BTBD9: variants seen among roughly 807,000 people sequenced by gnomAD.
BTBD9 encodes the protein BTB domain containing 9, also known as BTB/POZ domain-containing protein 9.
BTBD9 carries 49 observed loss-of-function variants against 64.3 expected under a neutral mutation model. The ratio of observed to expected loss-of-function variants is 0.76; its 90% CI spans 0.61 to 0.97. The LOEUF is 0.97. Ranked by LOEUF, BTBD9 falls within the 50% of genes least tolerant of loss-of-function variation. The pLI is 0.00. For missense variants in BTBD9, 598 were observed against 762.1 expected (o/e 0.78, Z 2.53); for synonymous variants, 260 against 274.7 (o/e 0.95, Z 0.53).
At chr6:38,520,284 T>C (rs556458832) in intron 6 of BTBD9, among the ~76,000 whole-genome samples, 2 of 152,166 alleles carry the variant, frequency 1.3e-5, no homozygotes, top group African/African-American at 4.8e-5. Flanking sequence ...CAAAACCCCA[T>C]TTCTACTAAA....
intron 7 of BTBD9, among the ~76,000 whole-genome samples, chr6:38,330,275 A>T (rs1763622283): frequency 6.6e-6 from 1 of 151,674 alleles, no homozygotes; most frequent in Non-Finnish European, 1.5e-5. Context: ...ATGGTCTCGA[A>T]CTCCTGACCT....
chr6:38,599,281 T>G (rs1777166393), intron 1 of BTBD9, among the ~76,000 whole-genome samples: 1 of 152,230 alleles, frequency 6.6e-6, no homozygotes, highest in African/African-American at 2.4e-5. Context: ...TAATACCGAA[T>G]GTACTTGCAG....
Position 38,317,082 on chromosome 6 carries a change from A to C in BTBD9, c.1264+27902T>G, listed in dbSNP as rs184828586. 1.7e-3 allele frequency among the ~76,000 whole-genome samples: 248 copies of C among 147,440 alleles called. 4 individuals are homozygous for C. The highest frequency in any genetic ancestry group is 0.014 in the Admixed American group (210 of 14,818). ...GTGATCTCGGCTCACTGCAACCTCC[A>C]CCCCCTGGATTCAAGTGATTCTCCT... On this transcript the variant is annotated intron_variant, in intron 7 of 10. Transcript: ENST00000481247.
chr6:38,524,310 A>C (rs948409731), intron 6 of BTBD9, among the ~76,000 whole-genome samples: 13 of 152,142 alleles, frequency 8.5e-5, no homozygotes, highest in African/African-American at 3.1e-4. Flanking sequence ...CAGTATCAGG[A>C]AAAAACTAAT....
At chr6:38,613,598 T>G (rs576837419) in intron 1 of BTBD9, among the ~76,000 whole-genome samples, 1 of 152,230 alleles carries the variant, frequency 6.6e-6, no homozygotes, top group Admixed American at 6.5e-5. Flanking sequence ...GTTGAGTCTC[T>G]TTAAAAGACA....
chr6:38,400,922 C>T (rs568161327), intron 6 of BTBD9, among the ~76,000 whole-genome samples: 78 of 152,304 alleles, frequency 5.1e-4, no homozygotes, highest in African/African-American at 1.7e-3. Context: ...AGTGCTCCTT[C>T]CCCCACTTTA....
intron 2 of BTBD9, among the ~76,000 whole-genome samples, chr6:38,596,309 G>A (rs961443818): frequency 6.6e-5 from 10 of 152,098 alleles, no homozygotes; most frequent in African/African-American, 2.4e-4. Flanking sequence ...CAAGAACAAG[G>A]TCAATAAGCG....
intron 6 of BTBD9, among the ~76,000 whole-genome samples, chr6:38,521,111 C>T (rs140002711): frequency 5.2e-4 from 78 of 150,394 alleles, no homozygotes; most frequent in Admixed American, 8.7e-4. Context: ...ACACTGTGTA[C>T]CCACAAAAAC....
At chr6:38,419,827 G>A (rs1162222784) in intron 6 of BTBD9, among the ~76,000 whole-genome samples, 2 of 152,012 alleles carry the variant, frequency 1.3e-5, no homozygotes, top group East Asian at 3.8e-4. Flanking sequence ...CCGAGATCGC[G>A]ACACTGCACT....
intron 6 of BTBD9, among the ~76,000 whole-genome samples, chr6:38,467,514 TAG>T (rs756367470): frequency 2.0e-5 from 3 of 152,198 alleles, no homozygotes; most frequent in Admixed American, 6.5e-5. Context: ...CACAGAAAGT[TAG>T]AGTTATAAGA....
chr6:38,341,449 T>C lies in BTBD9; in HGVS notation c.1264+3535A>G, dbSNP rs185812687. On this transcript the variant is annotated intron_variant, in intron 7 of 10. Transcript: ENST00000481247. ...CACATACAGATAAAACTAGGTTAGC[T>C]GTGAATTGATAATTTTTTAAAGCTG... Among the ~76,000 whole-genome samples, 525 of 152,354 alleles carry C rather than the reference T, an allele frequency of 3.4e-3. 5 individuals carry two copies. Among genetic ancestry groups the C allele is most frequent in the African/African-American group, 0.011 (474 of 41,594 alleles).
At chr6:38,342,466 G>A (rs1424758013) in intron 7 of BTBD9, among the ~76,000 whole-genome samples, 4 of 150,970 alleles carry the variant, frequency 2.6e-5, no homozygotes, top group Admixed American at 2.6e-4. Flanking sequence ...AACCCAGGAG[G>A]TGGAGGTTGC....
chr6:38,431,012 A>G (rs1182254307), intron 6 of BTBD9, among the ~76,000 whole-genome samples: 1 of 151,932 alleles, frequency 6.6e-6, no homozygotes, highest in Non-Finnish European at 1.5e-5. Context: ...GTCCTTTGAC[A>G]GCTCCTTCTC....
chr6:38,307,949 G>A (rs765568350), intron 7 of BTBD9, among the ~76,000 whole-genome samples: 67 of 152,334 alleles, frequency 4.4e-4, no homozygotes, highest in Non-Finnish European at 7.5e-4. Context: ...GAAGTGAGGT[G>A]ATGTGGCAAC....
At chr6:38,627,685 G>A (rs983449491) in intron 1 of BTBD9, among the ~76,000 whole-genome samples, 9 of 152,032 alleles carry the variant, frequency 5.9e-5, no homozygotes, top group African/African-American at 2.2e-4. Context: ...TGTAAATGCT[G>A]TCATATTTTA....
At chr6:38,209,291 C>T (rs574008921) in intron 9 of BTBD9, among the ~76,000 whole-genome samples, 3 of 152,194 alleles carry the variant, frequency 2.0e-5, no homozygotes, top group Non-Finnish European at 2.9e-5. Context: ...AAAATGGACT[C>T]TTGTACAGTA....
At chr6:38,442,306 T>C (rs573210284) in intron 6 of BTBD9, among the ~76,000 whole-genome samples, 1 of 152,002 alleles carries the variant, frequency 6.6e-6, no homozygotes, top group East Asian at 1.9e-4. Context: ...GCCAACATAG[T>C]GAAACCCCGT....
chr6:38,320,186 T>G (rs1328129991), intron 7 of BTBD9, among the ~76,000 whole-genome samples: 2 of 152,174 alleles, frequency 1.3e-5, no homozygotes, highest in Non-Finnish European at 2.9e-5. Flanking sequence ...GTCATTCCTA[T>G]CCTTTTCAGT....
chr6:38,197,264 A>C (rs963120975), intron 9 of BTBD9, among the ~76,000 whole-genome samples: 1 of 152,238 alleles, frequency 6.6e-6, no homozygotes, highest in Non-Finnish European at 1.5e-5. Flanking sequence ...AAACTGAGGC[A>C]AAGAGAAGAG....
Sources: allele counts gnomAD v4.1 joint callset (sites outside exome capture counted in the v4.1 genomes callset), GRCh38; gene constraint gnomAD v4.1.1; transcripts MANE v1.5; gene names NCBI Gene and HGNC (gene_info 2026-07-23, HGNC 2026-07-21).